The following CDH4 variants were observed in gnomAD, a reference collection of about 807,000 sequenced individuals.
The protein encoded by CDH4 is cadherin-4.
A neutral mutation model predicts 86.0 loss-of-function variants in CDH4; 33 were observed. That is an observed-to-expected ratio of 0.38 (90% CI 0.29 to 0.51). The LOEUF (loss-of-function observed/expected upper bound fraction) is 0.51, where lower values mean the gene tolerates loss of function less well. Ranked by LOEUF, CDH4 falls within the 20% of genes least tolerant of loss-of-function variation. The pLI, the probability that CDH4 is intolerant of heterozygous loss-of-function variation, is 0.86. For synonymous variants in CDH4, 555 were observed against 549.4 expected (o/e 1.01, Z -0.14); for missense variants, 1,114 against 1,307.4 (o/e 0.85, Z 2.28).
chr20:61,719,885 G>C (rs971679178), intron 2 of CDH4: 1 of 152,174 alleles, frequency 6.6e-6, no homozygotes, highest in African/African-American at 2.4e-5. Context: ...ATGAAGGCGC[G>C]GCTGGTGGGG....
In CDH4 at chr20:61,829,327, G is replaced by C. The variant is rs560704938; in HGVS notation, c.577-15341G>C. ...TCAAGGTTCAGCCATGCTGCAGCTC[G>C]TATCAGAACCTAGTTCCTTTCAGGG... On this transcript the variant is annotated intron_variant, in intron 4 of 15. Transcript: ENST00000614565. This position sits in a 1 kb window ranked among gnomAD's most constrained non-coding sequence, Gnocchi z 4.2. Among the ~76,000 whole-genome samples the C allele has an allele frequency of 6.6e-6, 1 of 152,226 alleles. No homozygotes were observed. The highest frequency in any genetic ancestry group is 1.5e-5 in the Non-Finnish European group (1 of 68,046).
Position 61,565,221 on chromosome 20 carries a change from T to TGGTGGTGGTCCTCTTGGTG in CDH4, c.170-178342_170-178341insGGTGGTGGTCCTCTTGGTG, listed in dbSNP as rs1414076004. On this transcript the variant is annotated intron_variant, in intron 2 of 15. Transcript: ENST00000614565. ...GTGGTGGTCGCGGTGCTCTCGGTGG[T>TGGTGGTGGTCCTCTTGGTG]AGGTGGTGGTGGTGGTGGTGGCGGT... Among the ~76,000 whole-genome samples, 5 of 40,548 alleles carry TGGTGGTGGTCCTCTTGGTG rather than the reference T, an allele frequency of 1.2e-4. 1 individual carries two copies. The highest frequency in any genetic ancestry group is 2.4e-4 in the Non-Finnish European group (5 of 20,464). 26.6% of individuals were successfully genotyped at this position (40,548 alleles called of 152,430 possible).
Position 61,306,914 on chromosome 20 carries a change from C to T in CDH4, c.169+51977C>T, listed in dbSNP as rs371456993. 8.1e-4 allele frequency among the ~76,000 whole-genome samples: 123 copies of T among 152,296 alleles called. 1 individual carries two copies. The highest frequency in any genetic ancestry group is 2.9e-3 in the African/African-American group (119 of 41,558). ...TCCTGAGCCGTGTTTGGGGAGCCAT[C>T]TGTGTCCTGGCTGGGCGGGACTTCT... On this transcript the variant is annotated intron_variant, in intron 2 of 15. Transcript: ENST00000614565.
intron 2 of CDH4, among the ~76,000 whole-genome samples, chr20:61,315,696 T>G (rs886498880): frequency 2.0e-5 from 3 of 152,216 alleles, no homozygotes; most frequent in African/African-American, 7.2e-5. Context: ...GATGATTTTT[T>G]ACGTTTTCAT....
chr20:61,353,965 G>A (rs1166581390), intron 2 of CDH4, among the ~76,000 whole-genome samples: 2 of 152,062 alleles, frequency 1.3e-5, no homozygotes, highest in African/African-American at 2.4e-5. Flanking sequence ...TGTCAGTGTT[G>A]CAGGACTCTG....
intron 4 of CDH4, among the ~76,000 whole-genome samples, chr20:61,780,402 T>C (rs1296029765): frequency 4.6e-5 from 7 of 152,198 alleles, no homozygotes; most frequent in Non-Finnish European, 2.9e-5. Flanking sequence ...CCTGCTACTG[T>C]GGCAGAGTTT....
intron 4 of CDH4, among the ~76,000 whole-genome samples, chr20:61,825,055 G>A (rs891590587): frequency 6.6e-6 from 1 of 152,176 alleles, no homozygotes; most frequent in Non-Finnish European, 1.5e-5. Context: ...TAGTTTGTAA[G>A]TTGGTGATTT....
At chr20:61,873,222 G>T (rs1178716987) in intron 6 of CDH4, among the ~76,000 whole-genome samples, 1 of 152,166 alleles carries the variant, frequency 6.6e-6, no homozygotes, top group African/African-American at 2.4e-5. Context: ...GTCCCTTCTA[G>T]GTTTGTTTTC....
At chr20:61,865,593 G>C (rs1364982641) in intron 6 of CDH4, among the ~76,000 whole-genome samples, 1 of 151,138 alleles carries the variant, frequency 6.6e-6, no homozygotes, top group African/African-American at 2.4e-5. Flanking sequence ...TCGCTTCCTG[G>C]CTCATTAGTG....
chr20:61,254,564 T>A lies in CDH4; in HGVS notation c.58-262T>A, dbSNP rs528409338. Among the ~76,000 whole-genome samples the A allele has an allele frequency of 4.6e-5, 7 of 152,272 alleles. No homozygotes were observed. The East Asian group carries it at 1.4e-3, about 29-fold the overall frequency. On this transcript the variant is annotated intron_variant, in intron 1 of 15. Transcript: ENST00000614565. ...CAATAAGGCCCTGGCCGGCCTGGCTTCCCCAACAGTCCGTCCTTCACTCCC... is the reference window on the plus strand; with the variant it reads ...CAATAAGGCCCTGGCCGGCCTGGCTACCCCAACAGTCCGTCCTTCACTCCC...
At chr20:61,423,034 G>A (rs965902975) in intron 2 of CDH4, among the ~76,000 whole-genome samples, 4 of 152,166 alleles carry the variant, frequency 2.6e-5, no homozygotes, top group Admixed American at 1.3e-4. Context: ...GAGAAAAGTC[G>A]CAAACAGGAT....
At chr20:61,378,012 G>T (rs6062171) in intron 2 of CDH4, among the ~76,000 whole-genome samples, 92,352 of 152,164 alleles carry the variant, frequency 0.61, 29,742 homozygotes, top group East Asian at 0.94. Flanking sequence ...CCAACACTTT[G>T]AGAGGCCGAG....
chr20:61,823,690 C>T (rs1027275871), intron 4 of CDH4, among the ~76,000 whole-genome samples: 23 of 152,222 alleles, frequency 1.5e-4, no homozygotes, highest in Admixed American at 4.6e-4. Context: ...GTATCTTCAC[C>T]GTGAATTTGT....
intron 4 of CDH4, among the ~76,000 whole-genome samples, chr20:61,836,679 A>T (rs1198430898): frequency 1.3e-5 from 2 of 152,252 alleles, no homozygotes; most frequent in African/African-American, 2.4e-5. Flanking sequence ...GGGGAAAACA[A>T]GTGAGAACCC....
At chr20:61,523,163 G>A (rs2085885109) in intron 2 of CDH4, among the ~76,000 whole-genome samples, 1 of 152,228 alleles carries the variant, frequency 6.6e-6, no homozygotes, top group South Asian at 2.1e-4. Context: ...CCACAGAGGT[G>A]GGAAGGCGGC....
chr20:61,487,040 C>G (rs1439430901), intron 2 of CDH4, among the ~76,000 whole-genome samples: 5 of 152,174 alleles, frequency 3.3e-5, no homozygotes, highest in African/African-American at 7.2e-5. Context: ...GCTAGATTTT[C>G]TCCTATGTTA....
intron 2 of CDH4, among the ~76,000 whole-genome samples, chr20:61,383,678 A>C (rs1349937151): frequency 4.3e-5 from 5 of 116,784 alleles, no homozygotes; most frequent in Non-Finnish European, 6.9e-5. Context: ...ATATATATGA[A>C]TGTATATGAT....
intron 4 of CDH4, among the ~76,000 whole-genome samples, chr20:61,777,023 A>G (rs1231510739): frequency 6.6e-6 from 1 of 152,152 alleles, no homozygotes; most frequent in African/African-American, 2.4e-5. Flanking sequence ...TAGTCACTGG[A>G]GCCCTGGGTG....
At chr20:61,654,425 G>C (rs2087165062) in intron 2 of CDH4, among the ~76,000 whole-genome samples, 1 of 152,206 alleles carries the variant, frequency 6.6e-6, no homozygotes, top group South Asian at 2.1e-4. Context: ...GAAAGAGGGA[G>C]AGGGAGACCG....
Sources: gnomAD v4.1 joint callset for allele counts (sites outside exome capture counted in the v4.1 genomes callset) on GRCh38, gnomAD v4.1.1 for gene constraint, Gnocchi (gnomAD v3.1) non-coding constraint, MANE v1.5 for transcripts, NCBI Gene and HGNC (gene_info 2026-07-23, HGNC 2026-07-21) for gene names.